ABCA5: variants seen among roughly 807,000 people sequenced by gnomAD.
ABCA5 encodes the protein cholesterol transporter ABCA5.
ABCA5 carries 163 observed loss-of-function variants against 206.0 expected under a neutral mutation model. The ratio of observed to expected loss-of-function variants is 0.79; its 90% CI spans 0.70 to 0.90. ABCA5 has a LOEUF of 0.90. Ranked by LOEUF, ABCA5 falls within the 40% of genes least tolerant of loss-of-function variation. The probability of loss-of-function intolerance (pLI) is 0.00; values close to 1 mark genes in which losing one functional copy is unlikely to be tolerated. For synonymous variants in ABCA5, 609 were observed against 613.8 expected, an observed-to-expected ratio of 0.99 and a Z score of 0.11; for missense variants, 1,859 against 1,912.9, an observed-to-expected ratio of 0.97 and a Z score of 0.53.
chr17:69,249,706 T>C, intron 37 of ABCA5, 199 bp downstream of exon 37: 1 of 594,414 alleles, frequency 1.7e-6, no homozygotes, highest in Non-Finnish European at 2.8e-6. Flanking sequence ...TAAAAGGTTA[T>C]CTTCTTATCT....
rs764634486 is a variant in ABCA5 at position 69,306,957 on chromosome 17, A to G, written c.559-3T>C. The G allele has an allele frequency of 1.8e-5, 28 of 1,523,274 alleles. No homozygotes were observed. The highest frequency in any genetic ancestry group is 2.2e-5 in the Admixed American group (1 of 45,866). 94.4% of individuals were successfully genotyped at this position (1,523,274 alleles called of 1,614,324 possible). A position where few individuals can be genotyped will look rare whatever the true frequency, so the allele number is the denominator to read the frequency against. ...CAAAGAGAAACATTGGTCTTCAACTATAATTAGAAAATGTAAATACATCAA... is the reference window on the plus strand; with the variant it reads ...CAAAGAGAAACATTGGTCTTCAACTGTAATTAGAAAATGTAAATACATCAA... On this transcript the variant is annotated splice_region_variant and splice_polypyrimidine_tract_variant and intron_variant, in intron 5 of 38. Coordinates refer to ENST00000392676, the MANE Select transcript of ABCA5 (RefSeq NM_172232.4).
intron 23 of ABCA5, among the ~76,000 whole-genome samples, chr17:69,266,571 A>ATAT (rs1567756633): frequency 6.8e-6 from 1 of 146,538 alleles, no homozygotes; most frequent in Non-Finnish European, 1.5e-5. Context: ...GTATAATAAA[A>ATAT]ATATATATAT....
At chr17:69,253,764 C>G in intron 33 of ABCA5, 30 bp downstream of exon 33, 1 of 1,592,884 alleles carries the variant, frequency 6.3e-7, no homozygotes, top group South Asian at 1.1e-5. Context: ...AATAAAAATA[C>G]AGGCATTATT....
intron 18 of ABCA5, among the ~76,000 whole-genome samples, chr17:69,279,613 C>T (rs1025746610): frequency 1.0e-3 from 153 of 152,148 alleles, no homozygotes; most frequent in African/African-American, 3.2e-3. Context: ...GGAGGCATCA[C>T]GCTACCTGAC....
At chr17:69,322,363 CA>C (rs3029978) in intron 1 of ABCA5, among the ~76,000 whole-genome samples, 106 of 52,360 alleles carry the variant, frequency 2.0e-3, no homozygotes, top group African/African-American at 5.6e-3. Flanking sequence ...GATTCCGTCT[CA>C]AAAAAAAAAA....
chr17:69,302,475 C>T (rs181537327), intron 8 of ABCA5, among the ~76,000 whole-genome samples: 124 of 152,218 alleles, frequency 8.1e-4, no homozygotes, highest in African/African-American at 2.9e-3. Flanking sequence ...TGAAATAAAT[C>T]ACTGAGATAC....
intron 18 of ABCA5, among the ~76,000 whole-genome samples, chr17:69,280,251 G>A (rs2075377763): frequency 6.6e-6 from 1 of 152,160 alleles, no homozygotes; most frequent in Admixed American, 6.5e-5. Context: ...CTCAAAAGAA[G>A]ACATTTATGC....
In ABCA5 at chr17:69,309,292, G is replaced by C. The variant is rs768960534; in HGVS notation, c.439C>G (p.Pro147Ala). The C allele has an allele frequency of 1.3e-6, 2 of 1,590,800 alleles. No homozygotes were observed. Among genetic ancestry groups the C allele is most frequent in the Admixed American group, 1.9e-5 (1 of 52,834 alleles). ...YELRFFPDMI[P>A]VSSIYMDSRA... ...GAATCCATATAAATAGAAGATACTGGAATCATATCAGGAAAAAAACGAAGT... is the reference window on the plus strand; with the variant it reads ...GAATCCATATAAATAGAAGATACTGCAATCATATCAGGAAAAAAACGAAGT... Residue 147 changes from proline to alanine, a missense_variant, in exon 4 of 39, where the codon CCA becomes GCA. Physicochemically the swap from Pro to Ala is conservative, Grantham distance 27. Transcript: ENST00000392676.
At chr17:69,257,734 A>C (rs1217986847) in intron 28 of ABCA5, among the ~76,000 whole-genome samples, 1 of 151,898 alleles carries the variant, frequency 6.6e-6, no homozygotes, top group Admixed American at 6.6e-5. Flanking sequence ...AAAAAAATAC[A>C]CTATTGAGAT....
At chr17:69,254,579 AGCCAGACT>A (rs1202710852) in intron 31 of ABCA5, 89 bp from the exon 32 acceptor site, 1 of 938,876 alleles carries the variant, frequency 1.1e-6, no homozygotes, top group African/African-American at 1.7e-5. Flanking sequence ...CCCTTCCTAC[AGCCAGACT>A]AATATCAAGT....
chr17:69,250,637 A>T lies in ABCA5; in HGVS notation c.4536-16T>A, dbSNP rs752859587. On this transcript the variant is annotated splice_polypyrimidine_tract_variant and intron_variant, in intron 35 of 38. Transcript: ENST00000392676. ...TCCGATACATCTGAAGTAATTTTTT[A>T]AAAGAAAGCTCAGATATAAAATGAC... 2.6e-6 allele frequency: 4 copies of T among 1,524,660 alleles called. No individual in the cohort carries two copies. The Admixed American group carries it at 9.2e-5, about 35-fold the overall frequency. The allele number at this position is 1,524,660 out of a possible 1,614,324, so 94.4% of individuals were successfully genotyped here.
At chr17:69,288,938 A>G (rs147301587) in intron 14 of ABCA5, among the ~76,000 whole-genome samples, 210 of 152,244 alleles carry the variant, frequency 1.4e-3, no homozygotes, top group African/African-American at 5.0e-3. Context: ...ATTTACCACT[A>G]TATAATTCAT....
At chr17:69,287,506 C>T (rs934903219) in intron 15 of ABCA5, 107 bp downstream of exon 15, 47 of 1,375,442 alleles carry the variant, frequency 3.4e-5, no homozygotes, top group Non-Finnish European at 4.4e-5. Flanking sequence ...AGGAAACATA[C>T]CACTAGGTAA....
chr17:69,286,909 GA>G (rs34567005), intron 15 of ABCA5, among the ~76,000 whole-genome samples: 1 of 152,182 alleles, frequency 6.6e-6, no homozygotes. Context: ...AAATTGTGCA[GA>G]AAAGAGTTAA....
chr17:69,287,049 TA>T (rs1313214834), intron 15 of ABCA5, among the ~76,000 whole-genome samples: 2 of 152,210 alleles, frequency 1.3e-5, no homozygotes. Context: ...GCTCAGTGCC[TA>T]AACTGTACAA....
Position 69,284,077 on chromosome 17 carries a change from A to G in ABCA5, c.2273-5T>C, listed in dbSNP as rs2075425580. 3.2e-6 allele frequency: 5 copies of G among 1,548,200 alleles called. No homozygotes were observed. The highest frequency in any genetic ancestry group is 4.3e-6 in the Non-Finnish European group (5 of 1,153,460). ...TGTCTAGGGCAGAAAACAAACCTAA[A>G]AGAAAAAAATGAAAGAATAGTATAT... On this transcript the variant is annotated splice_region_variant and splice_polypyrimidine_tract_variant and intron_variant, in intron 17 of 38. Coordinates refer to ENST00000392676, the MANE Select transcript of ABCA5 (RefSeq NM_172232.4).
In ABCA5 at chr17:69,264,775, T is replaced by G; in HGVS notation, c.3275A>C (p.His1092Pro). ...ILMLGSLLAFHYGLYFYTVKF... is the reference protein window; with the variant it reads ...ILMLGSLLAFPYGLYFYTVKF... Reference sequence around the variant, plus strand: ...TACAGTATAAAAATATAATCCATAATGAAATGCCAATAAGCTTCCTAGCAT... The same window carrying G: ...TACAGTATAAAAATATAATCCATAAGGAAATGCCAATAAGCTTCCTAGCAT... The change falls in exon 24 of 39, where the codon CAT becomes CCT. Residue 1092 changes from histidine to proline, a missense_variant. Physicochemically the swap from His to Pro is moderately conservative, Grantham distance 77 (BLOSUM62 -2). Coordinates refer to ENST00000392676, the MANE Select transcript of ABCA5 (RefSeq NM_172232.4). 6.3e-7 allele frequency: 1 copy of G among 1,589,480 alleles called. No homozygotes were observed. Among genetic ancestry groups the G allele is most frequent in the Non-Finnish European group, 8.6e-7 (1 of 1,169,538 alleles).
rs1189781975 is a variant in ABCA5, at chr17:69,270,732, C to G, written c.2911G>C (p.Val971Leu). Residue 971 changes from valine (V) to leucine (L), a missense_variant, in exon 22 of 39, where the codon GTT becomes CTT. Transcript: ENST00000392676. ...GAATAAACCATAGTACTGTTGAAAACAGCTGCAAAAACATAGTCCTACAAT... is the reference window on the plus strand; with the variant it reads ...GAATAAACCATAGTACTGTTGAAAAGAGCTGCAAAAACATAGTCCTACAAT... ...HSEKDYVFAA[V>L]FNSTMVYSLP... is the part of the protein sequence containing the mutation. 4 of 1,552,668 alleles carry G rather than the reference C, an allele frequency of 2.6e-6. No individual in the cohort carries two copies. In the Admixed American group the frequency reaches 8.6e-5, roughly 33 times the overall value.
Position 69,271,234 on chromosome 17 carries a change from C to G in ABCA5, c.2820G>C (p.Thr940=), listed in dbSNP as rs752231687. The part of the protein sequence containing the change: ...SFFTSQNIMV[T]MINDSDYVSV... ...ATACATAGTCACTGTCATTAATCAT[C>G]GTCACCATTATGTTCTGGCTTGTGA... Residue 940 remains threonine (T), a synonymous_variant, in exon 21 of 39, where the codon ACG becomes ACC. Coordinates refer to ENST00000392676, the MANE Select transcript of ABCA5 (RefSeq NM_172232.4). 1.2e-5 allele frequency: 19 copies of G among 1,613,268 alleles called. No individual in the cohort carries two copies. Among genetic ancestry groups the G allele is most frequent in the Non-Finnish European group, 1.5e-5 (18 of 1,179,566 alleles).
Sources: allele counts gnomAD v4.1 joint callset (sites outside exome capture counted in the v4.1 genomes callset), GRCh38; gene constraint gnomAD v4.1.1; transcripts MANE v1.5; gene names NCBI Gene and HGNC (gene_info 2026-07-23, HGNC 2026-07-21).